CA10: variants seen among roughly 807,000 people sequenced by gnomAD.
CA10 encodes the protein carbonic anhydrase-related protein 10.
In CA10, 14 loss-of-function variants were observed where a neutral mutation model predicts 44.2. The observed-to-expected ratio is 0.32, with a 90% CI of 0.21 to 0.50. CA10 has a LOEUF of 0.50. Among genes scored for constraint, CA10 ranks in the 20% least tolerant of loss-of-function variants. The probability of loss-of-function intolerance (pLI) is 0.99; values close to 1 mark genes in which losing one functional copy is unlikely to be tolerated. For synonymous variants in CA10, 159 were observed against 141.6 expected (o/e 1.12, Z -0.87); for missense variants, 350 against 409.7 (o/e 0.85, Z 1.26).
intron 2 of CA10, among the ~76,000 whole-genome samples, chr17:52,009,573 T>C (rs1232085280): frequency 1.3e-5 from 2 of 152,008 alleles, no homozygotes; most frequent in African/African-American, 4.8e-5. Flanking sequence ...CAAGGCTACA[T>C]AAAATTACCA....
intron 3 of CA10, among the ~76,000 whole-genome samples, chr17:51,929,779 A>C (rs187611943): frequency 6.8e-4 from 104 of 152,318 alleles, no homozygotes; most frequent in Non-Finnish European, 1.0e-3. Flanking sequence ...TAAAACTATA[A>C]ATGGAACAAT....
chr17:52,110,085 G>A, intron 1 of CA10, among the ~76,000 whole-genome samples: 1 of 152,180 alleles, frequency 6.6e-6, no homozygotes, highest in East Asian at 1.9e-4. Flanking sequence ...ACACCGGCAT[G>A]AGTCCAGCTG....
intron 3 of CA10, among the ~76,000 whole-genome samples, chr17:51,875,061 C>A (rs906980345): frequency 2.0e-5 from 3 of 151,228 alleles, no homozygotes; most frequent in Non-Finnish European, 4.4e-5. Context: ...GCAGGCTTGA[C>A]CTCCTGGGCT....
intron 3 of CA10, among the ~76,000 whole-genome samples, chr17:51,924,291 G>A (rs1285377952): frequency 6.6e-6 from 1 of 152,034 alleles, no homozygotes; most frequent in Non-Finnish European, 1.5e-5. Flanking sequence ...TTGTTTGTTT[G>A]TTTTTTAAAG....
intron 4 of CA10, among the ~76,000 whole-genome samples, chr17:51,721,725 G>A (rs530587598): frequency 3.0e-4 from 46 of 152,130 alleles, no homozygotes; most frequent in Non-Finnish European, 4.9e-4. Flanking sequence ...AAAAGTCTTC[G>A]CGAGATTTGA....
chr17:51,954,459 C>T (rs752682956), intron 2 of CA10, among the ~76,000 whole-genome samples: 7 of 152,248 alleles, frequency 4.6e-5, no homozygotes, highest in Admixed American at 3.9e-4. Context: ...TCTTTAGACT[C>T]TAGGGAGTCA....
At chr17:51,698,695 C>T (rs1915484309) in intron 4 of CA10, among the ~76,000 whole-genome samples, 1 of 152,156 alleles carries the variant, frequency 6.6e-6, no homozygotes, top group African/African-American at 2.4e-5. Context: ...ATACTGTACC[C>T]TTTGCCCAGA....
At chr17:52,045,582 C>T (rs1033676289) in intron 2 of CA10, among the ~76,000 whole-genome samples, 4 of 151,894 alleles carry the variant, frequency 2.6e-5, no homozygotes, top group African/African-American at 7.2e-5. Flanking sequence ...TTTCCATATG[C>T]TAATAAGAGT....
intron 3 of CA10, among the ~76,000 whole-genome samples, chr17:51,768,118 G>C (rs1279133518): frequency 6.6e-6 from 1 of 151,698 alleles, no homozygotes; most frequent in Non-Finnish European, 1.5e-5. Flanking sequence ...GTTCGGGGTA[G>C]GGATAAAGGC....
At chr17:51,895,100 T>A (rs1981013672) in intron 3 of CA10, among the ~76,000 whole-genome samples, 1 of 152,120 alleles carries the variant, frequency 6.6e-6, no homozygotes, top group African/African-American at 2.4e-5. Flanking sequence ...AGTATTTTAC[T>A]TTAATCTTCA....
At chr17:52,003,619 T>C (rs1039164334) in intron 2 of CA10, among the ~76,000 whole-genome samples, 13 of 151,986 alleles carry the variant, frequency 8.6e-5, no homozygotes, top group African/African-American at 3.1e-4. Flanking sequence ...ATGTTCATTA[T>C]TTTATTATTT....
intron 4 of CA10, among the ~76,000 whole-genome samples, chr17:51,663,584 A>G (rs1245476516): frequency 6.6e-6 from 1 of 152,170 alleles, no homozygotes; most frequent in East Asian, 1.9e-4. Context: ...TGACAACATA[A>G]CCACTCAAAT....
chr17:51,746,959 T>G (rs565501594), intron 4 of CA10, among the ~76,000 whole-genome samples: 1 of 152,346 alleles, frequency 6.6e-6, no homozygotes, highest in African/African-American at 2.4e-5. Flanking sequence ...GATCTCTAGT[T>G]CATAAACACC....
intron 4 of CA10, among the ~76,000 whole-genome samples, chr17:51,684,411 C>T (rs183493174): frequency 5.9e-5 from 9 of 152,302 alleles, no homozygotes; most frequent in South Asian, 2.1e-4. Flanking sequence ...GCACCCCCAC[C>T]GTTCCCAGTG....
chr17:51,644,891 C>T (rs1431774649), intron 6 of CA10, among the ~76,000 whole-genome samples: 2 of 151,536 alleles, frequency 1.3e-5, no homozygotes, highest in Admixed American at 6.6e-5. Context: ...CTCCGCCTCC[C>T]GGGTTCAAGT....
rs113541097 is a variant in CA10, at chr17:52,158,178, G to A, written c.-392C>T. On this transcript the variant is annotated 5_prime_UTR_variant, in exon 1 of 9. Coordinates refer to ENST00000451037, the MANE Select transcript of CA10 (RefSeq NM_020178.5). ...GCTCTTCCAGCAAAAACGAGACCCC[G>A]ATTCGTCTGGCGCCCCAAGAAGACA... is the stretch of plus-strand genomic sequence containing the variant. 9.2e-6 allele frequency: 3 copies of A among 326,554 alleles called. No individual in the cohort carries two copies. Among genetic ancestry groups the A allele is most frequent in the African/African-American group, 2.2e-5 (1 of 46,450 alleles). 20.2% of individuals were successfully genotyped at this position (326,554 alleles called of 1,614,324 possible). A position where few individuals can be genotyped will look rare whatever the true frequency, so the allele number is the denominator to read the frequency against.
intron 3 of CA10, among the ~76,000 whole-genome samples, chr17:51,798,947 A>G (rs1413434712): frequency 6.6e-6 from 1 of 152,222 alleles, no homozygotes; most frequent in Non-Finnish European, 1.5e-5. Context: ...TACAGGATAC[A>G]TTGCAGTGAA....
chr17:52,029,975 A>G (rs945746375), intron 2 of CA10, among the ~76,000 whole-genome samples: 1 of 152,210 alleles, frequency 6.6e-6, no homozygotes, highest in African/African-American at 2.4e-5. Flanking sequence ...TTTTTACGTC[A>G]AGTGAGGGCA....
intron 2 of CA10, among the ~76,000 whole-genome samples, chr17:52,061,701 C>T (rs1220511698): frequency 6.6e-6 from 1 of 152,074 alleles, no homozygotes; most frequent in Non-Finnish European, 1.5e-5. Flanking sequence ...CTCCTTCCTC[C>T]ATGTGAAGAA....
Sources: gnomAD v4.1 joint callset for allele counts (sites outside exome capture counted in the v4.1 genomes callset) on GRCh38, gnomAD v4.1.1 for gene constraint, MANE v1.5 for transcripts, NCBI Gene and HGNC (gene_info 2026-07-23, HGNC 2026-07-21) for gene names.